PITPNM2: variants seen among roughly 807,000 people sequenced by gnomAD.
The protein encoded by PITPNM2 is membrane-associated phosphatidylinositol transfer protein 2.
In PITPNM2, 35 loss-of-function variants were observed where a neutral mutation model predicts 132.2. The ratio of observed to expected loss-of-function variants is 0.26; its 90% CI spans 0.20 to 0.35. The LOEUF is 0.35. Among genes scored for constraint, PITPNM2 ranks in the 10% least tolerant of loss-of-function variants. The probability of loss-of-function intolerance (pLI) is 1.00; values close to 1 mark genes in which losing one functional copy is unlikely to be tolerated. For synonymous variants in PITPNM2, 738 were observed against 799.2 expected (o/e 0.92, Z 1.29); for missense variants, 1,332 against 1,912.0 (o/e 0.70, Z 5.66).
rs1392367463 is a variant in PITPNM2 at position 123,108,639 on chromosome 12, A to C, written c.-96+1746T>G. Among the ~76,000 whole-genome samples the C allele has an allele frequency of 6.6e-6, 1 of 152,192 alleles. No individual in the cohort carries two copies. Among genetic ancestry groups the C allele is most frequent in the East Asian group, 1.9e-4 (1 of 5,194 alleles). ...GGGACACCTTGGAAAGTGAATTAAA[A>C]CAAAACAGAAAAACAAAAAATACAA... On this transcript the variant is annotated intron_variant, in intron 2 of 25. Coordinates refer to ENST00000320201, the MANE Select transcript of PITPNM2 (RefSeq NM_020845.3). The surrounding 1 kb of genome is among the most constrained non-coding windows in gnomAD (Gnocchi z 4.4).
At chr12:123,013,277 C>T (rs899384662) in intron 4 of PITPNM2, among the ~76,000 whole-genome samples, 5 of 152,234 alleles carry the variant, frequency 3.3e-5, no homozygotes, top group African/African-American at 1.2e-4. Flanking sequence ...CAGCAGTAGA[C>T]AGCTTGTGGG....
chr12:123,067,950 A>G (rs548501390), intron 2 of PITPNM2, among the ~76,000 whole-genome samples: 97 of 152,306 alleles, frequency 6.4e-4, no homozygotes, highest in African/African-American at 2.1e-3. Context: ...CCAGGCTGTT[A>G]GCAGGGCTGC....
At chr12:122,989,697 A>C in intron 18 of PITPNM2, 90 bp downstream of exon 18, 1 of 1,240,528 alleles carries the variant, frequency 8.1e-7, no homozygotes, top group South Asian at 2.9e-5. Flanking sequence ...TGTTAGGCCG[A>C]AGCGGGGGTC....
intron 8 of PITPNM2, among the ~76,000 whole-genome samples, chr12:123,001,555 C>A (rs2038678363): frequency 6.6e-6 from 1 of 152,188 alleles, no homozygotes; most frequent in African/African-American, 2.4e-5. Context: ...ATAAATGGAA[C>A]CATACACCAT....
intron 5 of PITPNM2, among the ~76,000 whole-genome samples, chr12:123,010,924 C>T (rs2039171305): frequency 6.6e-6 from 1 of 152,196 alleles, no homozygotes; most frequent in African/African-American, 2.4e-5. Context: ...GGGCAGATGC[C>T]ACAGAGGTAG....
At chr12:123,042,172 C>A (rs2040505497) in intron 2 of PITPNM2, among the ~76,000 whole-genome samples, 1 of 152,062 alleles carries the variant, frequency 6.6e-6, no homozygotes, top group Non-Finnish European at 1.5e-5. Flanking sequence ...AGAGCACCAG[C>A]TGGGCCTCCC....
In PITPNM2 at chr12:123,077,824, G is replaced by T. The variant is rs758770112; in HGVS notation, c.-96+32561C>A. ...AGGAAGCCAATGTGAGGGAAGGGGT[G>T]GGGGGACAAAGTATCAGAGCCAGGA... On this transcript the variant is annotated intron_variant, in intron 2 of 25. Transcript: ENST00000320201. The surrounding 1 kb of genome is among the most constrained non-coding windows in gnomAD (Gnocchi z 4.8). Among the ~76,000 whole-genome samples, 3 of 152,150 alleles carry T rather than the reference G, an allele frequency of 2.0e-5. No individual in the cohort carries two copies. The highest frequency in any genetic ancestry group is 2.9e-5 in the Non-Finnish European group (2 of 68,020).
intron 2 of PITPNM2, among the ~76,000 whole-genome samples, chr12:123,094,834 G>A (rs972634728): frequency 5.9e-5 from 9 of 152,150 alleles, no homozygotes; most frequent in African/African-American, 1.2e-4. Context: ...CTGACCCCAC[G>A]TCTGACTCAT....
At chr12:123,010,882 C>T (rs755433556) in intron 5 of PITPNM2, among the ~76,000 whole-genome samples, 3 of 152,210 alleles carry the variant, frequency 2.0e-5, no homozygotes, top group Non-Finnish European at 4.4e-5. Flanking sequence ...GGGTGTCTGG[C>T]CAAGCTTGCT....
intron 2 of PITPNM2, among the ~76,000 whole-genome samples, chr12:123,071,829 A>C (rs552690245): frequency 1.3e-5 from 1 of 75,634 alleles, no homozygotes; most frequent in Admixed American, 1.4e-4. Flanking sequence ...TGGGTCACAC[A>C]GCCAGGACTC....
At chr12:123,112,947 T>TA (rs1347240265) in intron 1 of PITPNM2, among the ~76,000 whole-genome samples, 1 of 152,234 alleles carries the variant, frequency 6.6e-6, no homozygotes, top group Non-Finnish European at 1.5e-5. Flanking sequence ...ATTGCTTTCC[T>TA]AAAAAATTTT....
chr12:123,132,307 G>A (rs959134420), intron 1 of PITPNM2, among the ~76,000 whole-genome samples: 1 of 152,162 alleles, frequency 6.6e-6, no homozygotes, highest in Non-Finnish European at 1.5e-5. Context: ...ACTCCCCCAA[G>A]AGCATGGCGG....
chr12:122,986,057 C>T lies in PITPNM2; in HGVS notation c.4020G>A (p.Leu1340=). 1 of 1,414,594 alleles carries T rather than the reference C, an allele frequency of 7.1e-7. No individual in the cohort carries two copies. 87.6% of individuals were successfully genotyped at this position (1,414,594 alleles called of 1,614,324 possible). Residue 1340 remains leucine, a synonymous_variant, in exon 26 of 26, where the codon CTG becomes CTA. Transcript: ENST00000320201. Reference sequence around the variant, plus strand: ...TGGGGCCCGCGGCTGCCCCCGGCTCCAGGCGGCCAGTCATGGCGCGGCCCC... The same window carrying T: ...TGGGGCCCGCGGCTGCCCCCGGCTCTAGGCGGCCAGTCATGGCGCGGCCCC... The part of the protein sequence containing the change: ...GCWGRAMTGR[L]EPGAAAGPK
chr12:123,061,133 G>A (rs994734063), intron 2 of PITPNM2, among the ~76,000 whole-genome samples: 4 of 152,180 alleles, frequency 2.6e-5, no homozygotes. Flanking sequence ...TGGGACTAGA[G>A]CCCAGAGCCT....
intron 16 of PITPNM2, among the ~76,000 whole-genome samples, chr12:122,991,072 A>G (rs2038167232): frequency 6.6e-6 from 1 of 152,218 alleles, no homozygotes; most frequent in Non-Finnish European, 1.5e-5. Flanking sequence ...AGCCCACAGC[A>G]GAAGCAGCGG....
Position 123,058,531 on chromosome 12 carries a change from C to T in PITPNM2, c.-95-23846G>A, listed in dbSNP as rs1053180417. Among the ~76,000 whole-genome samples, 10 of 152,232 alleles carry T rather than the reference C, an allele frequency of 6.6e-5. No individual in the cohort carries two copies. The highest frequency in any genetic ancestry group is 1.0e-4 in the Non-Finnish European group (7 of 68,050). On this transcript the variant is annotated intron_variant, in intron 2 of 25. Transcript: ENST00000320201. The surrounding 1 kb of genome is among the most constrained non-coding windows in gnomAD (Gnocchi z 4.0). ...GAAGCCATCATGCCCCACCCACAGC[C>T]TCTCCAGGGCCTCTCTCACTCCACC...
chr12:122,994,755 G>C lies in PITPNM2; in HGVS notation c.2233+46C>G. The C allele has an allele frequency of 1.7e-5, 25 of 1,506,446 alleles. No homozygotes were observed. The highest frequency in any genetic ancestry group is 2.8e-5 in the African/African-American group (2 of 72,632). The allele number at this position is 1,506,446 out of a possible 1,614,324, so 93.3% of individuals were successfully genotyped here. A position where few individuals can be genotyped will look rare whatever the true frequency, so the allele number is the denominator to read the frequency against. On this transcript the variant is annotated intron_variant, in intron 15 of 25. Transcript: ENST00000320201. The surrounding 1 kb of genome is among the most constrained non-coding windows in gnomAD (Gnocchi z 5.4). ...GGGGTCCACTGAGACCCCCGCCCCC[G>C]CACCCAGTGCATGTACCCCCCATCC...
At chr12:122,991,708 G>T (rs746978983) in intron 16 of PITPNM2, 4 of 1,292,096 alleles carry the variant, frequency 3.1e-6, no homozygotes, top group Non-Finnish European at 3.9e-6. Flanking sequence ...TGAGGACCAG[G>T]TCAACCAACG....
intron 2 of PITPNM2, among the ~76,000 whole-genome samples, chr12:123,039,478 A>G (rs1566261927): frequency 6.6e-6 from 1 of 152,212 alleles, no homozygotes; most frequent in Non-Finnish European, 1.5e-5. Context: ...AATTTGGAGA[A>G]GAACAAAGGT....
Sources: allele counts gnomAD v4.1 joint callset (sites outside exome capture counted in the v4.1 genomes callset), GRCh38; gene constraint gnomAD v4.1.1; non-coding constraint Gnocchi (gnomAD v3.1); transcripts MANE v1.5; gene names NCBI Gene and HGNC (gene_info 2026-07-23, HGNC 2026-07-21).